GOLGA6L7: variants seen among roughly 807,000 people sequenced by gnomAD.
GOLGA6L7 encodes the protein golgin subfamily A member 6-like protein 7.
A neutral mutation model predicts 68.9 loss-of-function variants in GOLGA6L7; 29 were observed. That is an observed-to-expected ratio of 0.42 (90% CI 0.31 to 0.57). The LOEUF (loss-of-function observed/expected upper bound fraction) is 0.57, where lower values mean the gene tolerates loss of function less well. GOLGA6L7 is among the 20% of genes least tolerant of loss of function. GOLGA6L7 has a pLI of 0.13. For synonymous variants in GOLGA6L7, 133 were observed against 197.4 expected (o/e 0.67, Z 2.73); for missense variants, 396 against 588.4 (o/e 0.67, Z 3.38).
intron 2 of GOLGA6L7, among the ~76,000 whole-genome samples, 163 bp from the exon 3 acceptor site, chr15:28,846,412 G>C (rs2030433351): frequency 6.6e-6 from 1 of 152,178 alleles, no homozygotes; most frequent in Admixed American, 6.5e-5. Flanking sequence ...AAAGAAAAAG[G>C]ATTTGGGTCT....
At chr15:28,846,327 G>A (rs1237734955) in intron 2 of GOLGA6L7, 78 bp from the exon 3 acceptor site, 3 of 732,014 alleles carry the variant, frequency 4.1e-6, no homozygotes, top group Admixed American at 1.9e-5. Flanking sequence ...GGTAGGCAGG[G>A]GTCAGGAATG....
rs1295571015 is a variant in GOLGA6L7, at chr15:28,842,667, C to T, written c.1437G>A (p.Gly479=). The change falls in exon 9 of 9, where the codon GGG becomes GGA. Residue 479 remains glycine, a synonymous_variant. Coordinates refer to ENST00000567390, the MANE Select transcript of GOLGA6L7 (RefSeq NM_001365371.2). ...GCTCCCCCATCTGCTCCTCCTGCTC[C>T]CCCATCTGCTCCTCCTGCTTCCTCA... ...EQMRKQEEQM[G]EQEEQMGEQE... The T allele has an allele frequency of 1.5e-5, 19 of 1,303,038 alleles. No individual in the cohort carries two copies. The highest frequency in any genetic ancestry group is 1.5e-5 in the Non-Finnish European group (15 of 1,033,372). The allele number at this position is 1,303,038 out of a possible 1,614,324, so 80.7% of individuals were successfully genotyped here. A position where few individuals can be genotyped will look rare whatever the true frequency, so the allele number is the denominator to read the frequency against.
intron 1 of GOLGA6L7, among the ~76,000 whole-genome samples, chr15:28,847,581 G>A (rs1465120778): frequency 6.6e-6 from 1 of 152,230 alleles, no homozygotes; most frequent in Non-Finnish European, 1.5e-5. Context: ...GAATTAAACA[G>A]AAAGAGGACA....
chr15:28,845,127 C>CT, intron 6 of GOLGA6L7: 1 of 38,402 alleles, frequency 2.6e-5, no homozygotes, highest in Non-Finnish European at 4.2e-5. Flanking sequence ...TACGTACGTA[C>CT]ACACACACAC....
rs767037446 is a variant in GOLGA6L7, at chr15:28,846,237, G to A, written c.193C>T (p.Arg65Ter). The part of the protein sequence containing the change: ...CHSPEDKQQN[R>*]AQLKEENKAS... ...CATGTTACCTCTTTCAGCTGAGCTC[G>A]GTTCTGTTGTTTCTGTGGGGAGAGT... Residue 65 changes from arginine to a stop codon, truncating the protein, a stop_gained, in exon 3 of 9, where the codon CGA becomes TGA. Coordinates refer to ENST00000567390, the MANE Select transcript of GOLGA6L7 (RefSeq NM_001365371.2). LOFTEE classifies it high-confidence loss of function. 18 of 774,062 alleles carry A rather than the reference G, an allele frequency of 2.3e-5. No homozygotes were observed. The highest frequency in any genetic ancestry group is 1.6e-4 in the South Asian group (12 of 72,836). The allele number at this position is 774,062 out of a possible 1,614,324, so 47.9% of individuals were successfully genotyped here.
rs766415024 is a variant in GOLGA6L7 at position 28,845,553 on chromosome 15, G to A, written c.438C>T (p.Ser146=). The change falls in exon 6 of 9, where the codon TCC becomes TCT. Residue 146 remains serine (S), a synonymous_variant. Coordinates refer to ENST00000567390, the MANE Select transcript of GOLGA6L7 (RefSeq NM_001365371.2). ...CCTTGTCCGCCCTCTCGTGCTCTGC[G>A]GACATAGCAGAGAGAGCCCGCTGTA... ...GELQRALSAM[S]AEHERADKYI... is the part of the protein sequence containing the mutation. 4.2e-5 allele frequency: 31 copies of A among 743,674 alleles called. No individual in the cohort carries two copies. The highest frequency in any genetic ancestry group is 2.6e-4 in the South Asian group (18 of 68,352). The allele number at this position is 743,674 out of a possible 1,614,324, so 46.1% of individuals were successfully genotyped here.
At position 28,843,976 on chromosome 15, in the gene GOLGA6L7, A is replaced by G. The variant is rs1282920340; in HGVS notation, c.522-101T>C. 2.6e-5 allele frequency: 16 copies of G among 621,250 alleles called. No individual in the cohort carries two copies. The Admixed American group carries it at 3.6e-4, about 14-fold the overall frequency. 38.5% of individuals were successfully genotyped at this position (621,250 alleles called of 1,614,324 possible). On this transcript the variant is annotated intron_variant, in intron 7 of 8. Coordinates refer to ENST00000567390, the MANE Select transcript of GOLGA6L7 (RefSeq NM_001365371.2). ...CGCCCCACAACCACAGAACCGTGGC[A>G]CTGGAAGGGACCCCAGGAATTAAAA...
intron 6 of GOLGA6L7, among the ~76,000 whole-genome samples, chr15:28,844,668 CAG>C (rs35009749): frequency 0.1 from 15,450 of 151,470 alleles, 1,255 homozygotes; most frequent in African/African-American, 0.21. Context: ...AGCTGGCTAA[CAG>C]GGGCCCAGAG....
In GOLGA6L7 at chr15:28,844,216, C is replaced by T. The variant is rs1595355960; in HGVS notation, c.510G>A (p.Leu170=). 1 of 369,682 alleles carries T rather than the reference C, an allele frequency of 2.7e-6. No homozygotes were observed. The highest frequency in any genetic ancestry group is 4.8e-6 in the Non-Finnish European group (1 of 207,168). The allele number at this position is 369,682 out of a possible 1,614,324, so 22.9% of individuals were successfully genotyped here. A position where few individuals can be genotyped will look rare whatever the true frequency, so the allele number is the denominator to read the frequency against. The change falls in exon 7 of 9, where the codon CTG becomes CTA. Residue 170 remains leucine, a synonymous_variant. Coordinates refer to ENST00000567390, the MANE Select transcript of GOLGA6L7 (RefSeq NM_001365371.2). ...CTCCCCTATCCTACATGTTCCTGAACAGCTCCAGACTCATGGCTTCCCTCT... is the reference window on the plus strand; with the variant it reads ...CTCCCCTATCCTACATGTTCCTGAATAGCTCCAGACTCATGGCTTCCCTCT... The part of the protein sequence containing the change: ...TKEREAMSLE[L]FRNIITNKEL...
intron 2 of GOLGA6L7, 163 bp downstream of exon 2, chr15:28,846,901 A>G (rs2030453472): frequency 1.9e-6 from 1 of 535,778 alleles, no homozygotes; most frequent in Non-Finnish European, 3.2e-6. Flanking sequence ...AGCTCGAGCA[A>G]TTTTCCCTAA....
intron 6 of GOLGA6L7, 46 bp from the exon 7 acceptor site, chr15:28,844,309 C>T: frequency 2.2e-6 from 1 of 452,194 alleles, no homozygotes; most frequent in Non-Finnish European, 3.8e-6. Context: ...GGCAGAGGAG[C>T]AGCTGGACGA....
Position 28,848,519 on chromosome 15 carries a change from A to C in GOLGA6L7, c.31T>G (p.Leu11Val), listed in dbSNP as rs1290849602. The C allele has an allele frequency of 1.9e-6, 1 of 523,438 alleles. No individual in the cohort carries two copies. The highest frequency in any genetic ancestry group is 3.5e-6 in the Non-Finnish European group (1 of 282,694). The allele number at this position is 523,438 out of a possible 1,614,324, so 32.4% of individuals were successfully genotyped here. A position where few individuals can be genotyped will look rare whatever the true frequency, so the allele number is the denominator to read the frequency against. The change falls in exon 1 of 9, where the codon TTG becomes GTG. Residue 11 changes from leucine (L) to valine (V), a missense_variant. Around this residue, in one of 5 missense-constraint regions of GOLGA6L7, gnomAD observed 18 missense variants for 56.5 expected, o/e 0.32. Transcript: ENST00000567390. Reference protein sequence around the residue: MMSEKTQQRKLAGTKKKFTDY... With the variant: MMSEKTQQRKVAGTKKKFTDY... ...TTTACCTTTTTCTTGGTCCCAGCCAATTTTCTTTGTTGGGTTTTTTCGGAC... is the reference window on the plus strand; with the variant it reads ...TTTACCTTTTTCTTGGTCCCAGCCACTTTTCTTTGTTGGGTTTTTTCGGAC...
intron 6 of GOLGA6L7, 35 bp downstream of exon 6, chr15:28,845,494 G>A (rs775103004): frequency 8.7e-5 from 61 of 702,652 alleles, no homozygotes; most frequent in Non-Finnish European, 1.5e-4. Flanking sequence ...TGCGAAGCTG[G>A]GCTCCCAGGG....
rs1462934854 is a variant in GOLGA6L7 at position 28,841,876 on chromosome 15, A to G, written c.*359T>C. On this transcript the variant is annotated 3_prime_UTR_variant, in exon 9 of 9. Coordinates refer to ENST00000567390, the MANE Select transcript of GOLGA6L7 (RefSeq NM_001365371.2). The stretch of plus-strand genomic sequence containing the variant: ...ACTAGGCATGCCATAAGACAAGACA[A>G]CGCAAGACAAAAGGAGAAAACAAAC... The G allele has an allele frequency of 6.4e-6, 1 of 157,002 alleles. No individual in the cohort carries two copies. Among genetic ancestry groups the G allele is most frequent in the Non-Finnish European group, 1.4e-5 (1 of 71,256 alleles). 9.7% of individuals were successfully genotyped at this position (157,002 alleles called of 1,614,324 possible).
chr15:28,844,282 C>G lies in GOLGA6L7; in HGVS notation c.463-19G>C. On this transcript the variant is annotated intron_variant, in intron 6 of 8. Coordinates refer to ENST00000567390, the MANE Select transcript of GOLGA6L7 (RefSeq NM_001365371.2). Reference sequence around the variant, plus strand: ...TGATGTACTGCAAACAGAGAAAGGTCAAGTCAGGATACAGCAGGCAGAGGA... The same window carrying G: ...TGATGTACTGCAAACAGAGAAAGGTGAAGTCAGGATACAGCAGGCAGAGGA... The G allele has an allele frequency of 2.1e-6, 1 of 474,964 alleles. No homozygotes were observed. The allele number at this position is 474,964 out of a possible 1,614,324, so 29.4% of individuals were successfully genotyped here.
rs1394895684 is a variant in GOLGA6L7 at position 28,842,626 on chromosome 15, C to T, written c.1478G>A (p.Arg493Gln). Residue 493 changes from arginine to glutamine, a missense_variant, in exon 9 of 9, where the codon CGG becomes CAG. Transcript: ENST00000567390. Reference protein sequence around the residue: ...EQMGEQEEQMRKQVERLQFKE... With the variant: ...EQMGEQEEQMQKQVERLQFKE... Reference sequence around the variant, plus strand: ...GAATTGCAGCCTCTCCACCTGCTTCCGCATCTGCTCCTCCTGCTCCCCCAT... The same window carrying T: ...GAATTGCAGCCTCTCCACCTGCTTCTGCATCTGCTCCTCCTGCTCCCCCAT... 73 of 1,301,694 alleles carry T rather than the reference C, an allele frequency of 5.6e-5. No individual in the cohort carries two copies. The highest frequency in any genetic ancestry group is 6.7e-5 in the Non-Finnish European group (69 of 1,031,266). 80.6% of individuals were successfully genotyped at this position (1,301,694 alleles called of 1,614,324 possible). A position where few individuals can be genotyped will look rare whatever the true frequency, so the allele number is the denominator to read the frequency against.
At position 28,846,973 on chromosome 15, in the gene GOLGA6L7, C is replaced by G. The variant is rs2030456742; in HGVS notation, c.180+91G>C. The G allele has an allele frequency of 2.3e-5, 15 of 664,286 alleles. 1 individual carries two copies. The highest frequency in any genetic ancestry group is 3.7e-5 in the Non-Finnish European group (15 of 405,846). 41.1% of individuals were successfully genotyped at this position (664,286 alleles called of 1,614,324 possible). On this transcript the variant is annotated intron_variant, in intron 2 of 8. Coordinates refer to ENST00000567390, the MANE Select transcript of GOLGA6L7 (RefSeq NM_001365371.2). ...CAAACCCAGAATTCTTAGCCAGTAC[C>G]CAGCAGTTCTTCCTTCCACAATCTT...
chr15:28,843,387 C>A lies in GOLGA6L7; in HGVS notation c.717G>T (p.Arg239=). The change falls in exon 9 of 9, where the codon CGG becomes CGT. Residue 239 remains arginine (R), a synonymous_variant. Transcript: ENST00000567390. ...EKMWRQEEEL[R]DQEELRDQEK... ...CCTGATCCCGTAGCTCCTCCTGATCCCGTAGCTCCTCCTCCTGCCTCCACA... is the reference window on the plus strand; with the variant it reads ...CCTGATCCCGTAGCTCCTCCTGATCACGTAGCTCCTCCTCCTGCCTCCACA... 1.8e-6 allele frequency: 1 copy of A among 568,444 alleles called. No homozygotes were observed. The highest frequency in any genetic ancestry group is 1.0e-4 in the South Asian group (1 of 9,650). The allele number at this position is 568,444 out of a possible 1,614,324, so 35.2% of individuals were successfully genotyped here.
At chr15:28,847,279 A>T (rs2030474645) in intron 1 of GOLGA6L7, 87 bp from the exon 2 acceptor site, 3 of 753,846 alleles carry the variant, frequency 4.0e-6, no homozygotes, top group Non-Finnish European at 6.2e-6. Flanking sequence ...CTCATAGACG[A>T]TCTGACTTAA....
Sources: allele counts gnomAD v4.1 joint callset (sites outside exome capture counted in the v4.1 genomes callset), GRCh38; gene constraint gnomAD v4.1.1; regional missense constraint gnomAD v4.1.1; transcripts MANE v1.5; gene names NCBI Gene and HGNC (gene_info 2026-07-23, HGNC 2026-07-21).